TUT4: variants seen among roughly 807,000 people sequenced by gnomAD.
The protein encoded by TUT4 is terminal uridylyl transferase 4.
TUT4 carries 36 observed loss-of-function variants against 192.2 expected under a neutral mutation model. That is an observed-to-expected ratio of 0.19 (90% CI 0.14 to 0.25). The LOEUF is 0.25. TUT4 is among the 10% of genes least tolerant of loss of function. TUT4 has a pLI of 1.00. For synonymous variants in TUT4, 618 were observed against 666.0 expected (o/e 0.93, Z 1.11); for missense variants, 1,493 against 1,957.2 (o/e 0.76, Z 4.47).
At chr1:52,455,354 AAAGT>A (rs1360352281) in intron 20 of TUT4, among the ~76,000 whole-genome samples, 3 of 152,038 alleles carry the variant, frequency 2.0e-5, no homozygotes, top group African/African-American at 7.2e-5. Flanking sequence ...TTTGCCATTA[AAAGT>A]AATCTCAACA....
intron 1 of TUT4, among the ~76,000 whole-genome samples, chr1:52,545,369 ACT>A (rs1275662679): frequency 6.7e-6 from 1 of 148,176 alleles, no homozygotes; most frequent in Non-Finnish European, 1.5e-5. Context: ...AGAGAGTAAG[ACT>A]CTGTCTCAAA....
At chr1:52,512,519 CTAAT>C (rs1171381549) in intron 3 of TUT4, among the ~76,000 whole-genome samples, 1 of 152,198 alleles carries the variant, frequency 6.6e-6, no homozygotes, top group African/African-American at 2.4e-5. Flanking sequence ...TGTGCACAGT[CTAAT>C]TACCAACCAA....
At position 52,526,476 on chromosome 1, in the gene TUT4, T is replaced by C. The variant is rs1473384649; in HGVS notation, c.-93-103A>G. On this transcript the variant is annotated intron_variant, in intron 1 of 29. Coordinates refer to ENST00000257177, the MANE Select transcript of TUT4 (RefSeq NM_001009881.3). Reference sequence around the variant, plus strand: ...AATTTTTTAAACTTGTTCTAAAAACTGAAGAAATTGTTAAAAAAAAAAAAA... The same window carrying C: ...AATTTTTTAAACTTGTTCTAAAAACCGAAGAAATTGTTAAAAAAAAAAAAA... The C allele has an allele frequency of 4.0e-5, 14 of 349,908 alleles. No individual in the cohort carries two copies. The Admixed American group carries it at 4.1e-4, about 10-fold the overall frequency. 21.7% of individuals were successfully genotyped at this position (349,908 alleles called of 1,614,324 possible).
intron 1 of TUT4, among the ~76,000 whole-genome samples, chr1:52,534,228 T>C (rs964351521): frequency 2.0e-5 from 3 of 152,106 alleles, no homozygotes; most frequent in Non-Finnish European, 4.4e-5. Flanking sequence ...AAGGCTCACA[T>C]AGGGCCTGCA....
In TUT4 at chr1:52,431,118, G is replaced by A; in HGVS notation, c.4606C>T (p.Pro1536Ser). Residue 1536 changes from proline to serine, a missense_variant, in exon 28 of 30, where the codon CCT becomes TCT. Physicochemically the swap from Pro to Ser is moderately conservative, Grantham distance 74. Around this residue, in one of 7 missense-constraint regions of TUT4, gnomAD observed 351 missense variants for 397.8 expected, o/e 0.88. Transcript: ENST00000257177. Reference sequence around the variant, plus strand: ...GGGATTGCCACAGGTCTGGCAGCAGGCTGTGCAAAGATGATGCTGGGATCA... The same window carrying A: ...GGGATTGCCACAGGTCTGGCAGCAGACTGTGCAAAGATGATGCTGGGATCA... Reference protein sequence around the residue: ...LNDPSIIFAQPAARPVAIPNT... With the variant: ...LNDPSIIFAQSAARPVAIPNT... 1 of 1,614,258 alleles carries A rather than the reference G, an allele frequency of 6.2e-7. No homozygotes were observed. Among genetic ancestry groups the A allele is most frequent in the African/African-American group, 1.3e-5 (1 of 75,064 alleles).
chr1:52,464,431 T>C (rs993250390), intron 16 of TUT4, among the ~76,000 whole-genome samples: 3 of 152,024 alleles, frequency 2.0e-5, no homozygotes, highest in African/African-American at 7.2e-5. Context: ...ATTTTTTTTA[T>C]TTTTCGTAGA....
At chr1:52,467,405 T>C (rs1664521193) in intron 15 of TUT4, among the ~76,000 whole-genome samples, 1 of 152,216 alleles carries the variant, frequency 6.6e-6, no homozygotes, top group Non-Finnish European at 1.5e-5. Flanking sequence ...AGCAAAAACC[T>C]TGAAACCATC....
intron 16 of TUT4, 73 bp downstream of exon 16, chr1:52,464,997 C>A: frequency 8.6e-7 from 1 of 1,164,258 alleles, no homozygotes; most frequent in South Asian, 1.6e-5. Flanking sequence ...TTATCAATAT[C>A]ACATACAAAA....
At chr1:52,472,145 G>A in intron 13 of TUT4, 43 bp from the exon 14 acceptor site, 1 of 1,580,508 alleles carries the variant, frequency 6.3e-7, no homozygotes, top group Non-Finnish European at 8.6e-7. Context: ...AAACTTTTGA[G>A]GGACTTCATC....
intron 1 of TUT4, among the ~76,000 whole-genome samples, chr1:52,551,072 T>C (rs567146748): frequency 5.4e-4 from 82 of 152,306 alleles, no homozygotes; most frequent in African/African-American, 1.9e-3. Flanking sequence ...ATTTTGATTC[T>C]AAAAGGTCTA....
intron 15 of TUT4, among the ~76,000 whole-genome samples, chr1:52,467,767 C>T (rs897390199): frequency 3.9e-5 from 6 of 152,182 alleles, no homozygotes; most frequent in Admixed American, 1.3e-4. Flanking sequence ...GCCACACTGA[C>T]TTCCTGGCTA....
At chr1:52,505,826 C>CA (rs1477047635) in intron 4 of TUT4, among the ~76,000 whole-genome samples, 1 of 151,346 alleles carries the variant, frequency 6.6e-6, no homozygotes, top group African/African-American at 2.4e-5. Flanking sequence ...TCACAATGAG[C>CA]GGGGTTTTTT....
intron 2 of TUT4, 78 bp from the exon 3 acceptor site, chr1:52,516,132 AT>A (rs1216666533): frequency 4.6e-6 from 5 of 1,097,830 alleles, no homozygotes; most frequent in African/African-American, 3.2e-5. Context: ...CAGACATTAA[AT>A]TTATACACAG....
intron 20 of TUT4, among the ~76,000 whole-genome samples, chr1:52,449,066 TACACACACACACACACAG>T (rs1428129967): frequency 2.0e-5 from 3 of 150,550 alleles, no homozygotes; most frequent in Non-Finnish European, 3.0e-5. Flanking sequence ...TATACACTTT[TACACACACACACACACAG>T]ACACACACAC....
intron 27 of TUT4, chr1:52,434,345 A>T (rs2148215217): frequency 6.6e-6 from 1 of 152,290 alleles, no homozygotes. Context: ...TCTTATTCTC[A>T]GTTTCCCAAT....
At chr1:52,544,740 CAA>C (rs1320687691) in intron 1 of TUT4, among the ~76,000 whole-genome samples, 1 of 151,994 alleles carries the variant, frequency 6.6e-6, no homozygotes, top group African/African-American at 2.4e-5. Context: ...TTTTGTTAAT[CAA>C]AAGACACTAT....
chr1:52,534,410 C>T (rs1223542859), intron 1 of TUT4, among the ~76,000 whole-genome samples: 3 of 152,150 alleles, frequency 2.0e-5, no homozygotes, highest in Admixed American at 2.0e-4. Context: ...ATGCTTCCTT[C>T]GTTTCACCCA....
Position 52,431,263 on chromosome 1 carries a change from G to C in TUT4, c.4461C>G (p.Pro1487=). ...FPQSPPAQYS[P]MHNMGLLPMH... ...TTGGCAACAATCCCATATTGTGCAT[G>C]GGAGAATACTGAGCTGGTGGTGACT... Residue 1487 remains proline (P), a synonymous_variant, in exon 28 of 30, where the codon CCC becomes CCG. Transcript: ENST00000257177. 1 of 1,614,200 alleles carries C rather than the reference G, an allele frequency of 6.2e-7. No homozygotes were observed. Among genetic ancestry groups the C allele is most frequent in the Non-Finnish European group, 8.5e-7 (1 of 1,180,042 alleles).
chr1:52,528,130 GA>G (rs1682319414), intron 1 of TUT4, among the ~76,000 whole-genome samples: 1 of 151,062 alleles, frequency 6.6e-6, no homozygotes, highest in African/African-American at 2.4e-5. Flanking sequence ...AGTGAACTGA[GA>G]TCGCGCCACA....
Sources: allele counts gnomAD v4.1 joint callset (sites outside exome capture counted in the v4.1 genomes callset), GRCh38; gene constraint gnomAD v4.1.1; regional missense constraint gnomAD v4.1.1; transcripts MANE v1.5; gene names NCBI Gene and HGNC (gene_info 2026-07-23, HGNC 2026-07-21).